The following APOLD1 variants were observed in gnomAD, a reference collection of about 807,000 sequenced individuals.
The protein encoded by APOLD1 is apolipoprotein L domain-containing protein 1.
APOLD1 carries 22 observed loss-of-function variants against 15.3 expected under a neutral mutation model. That is an observed-to-expected ratio of 1.44 (90% CI 1.03 to 2.05). The LOEUF (loss-of-function observed/expected upper bound fraction) is 2.05. APOLD1 is among the 30% of genes most tolerant of loss of function. APOLD1 has a pLI of 0.00. For synonymous variants in APOLD1, 190 were observed against 167.4 expected, an observed-to-expected ratio of 1.13 and a Z score of -1.04; for missense variants, 394 against 353.5, an observed-to-expected ratio of 1.11 and a Z score of -0.92.
chr12:12,733,066 C>A (rs1356077902), intron 1 of APOLD1, among the ~76,000 whole-genome samples: 1 of 151,480 alleles, frequency 6.6e-6, no homozygotes, highest in Non-Finnish European at 1.5e-5. Flanking sequence ...GTAATCCCAG[C>A]ACTTTGGGAG....
upstream of APOLD1, among the ~76,000 whole-genome samples, chr12:12,783,652 T>C (rs1947103019): frequency 3.3e-5 from 5 of 150,630 alleles, no homozygotes; most frequent in South Asian, 1.1e-3. Flanking sequence ...TTTGCTTTTT[T>C]TTTGAGACAA....
chr12:12,739,047 A>G (rs1405090298), intron 1 of APOLD1, among the ~76,000 whole-genome samples: 1 of 152,202 alleles, frequency 6.6e-6, no homozygotes, highest in East Asian at 1.9e-4. Context: ...CAAGGAACTG[A>G]CTGTAAAACT....
chr12:12,754,227 A>T (rs12822615), intron 1 of APOLD1, among the ~76,000 whole-genome samples: 6 of 135,722 alleles, frequency 4.4e-5, no homozygotes, highest in Non-Finnish European at 9.7e-5. Flanking sequence ...AAAGAAAAAA[A>T]GAAAAAAACA....
chr12:12,726,257 T>C, intron 1 of APOLD1: 1 of 736,434 alleles, frequency 1.4e-6, no homozygotes, highest in Non-Finnish European at 2.3e-6. Flanking sequence ...GTGTCATTTT[T>C]ATTGAATTAA....
rs543452918 is a variant in APOLD1 at position 12,786,983 on chromosome 12, C to T, written c.78C>T (p.Asp26=). 521 of 1,428,468 alleles carry T rather than the reference C, an allele frequency of 3.6e-4. 13 individuals are homozygous for T. The South Asian group carries it at 7.3e-3, about 20-fold the overall frequency. The allele number at this position is 1,428,468 out of a possible 1,614,324, so 88.5% of individuals were successfully genotyped here. A position where few individuals can be genotyped will look rare whatever the true frequency, so the allele number is the denominator to read the frequency against. Residue 26 remains aspartate, a synonymous_variant, in exon 2 of 2, where the codon GAC becomes GAT. Transcript: ENST00000356591. ...GGCGCTTCCAGGGACTGCTGCTGGA[C>T]CGCCGAGGCCGGCTGCACGGCCAGG... The part of the protein sequence containing the change: ...ALRRFQGLLL[D]RRGRLHGQVL...
chr12:12,767,259 A>G (rs1946949254), intron 1 of APOLD1, among the ~76,000 whole-genome samples: 2 of 152,166 alleles, frequency 1.3e-5, no homozygotes. Flanking sequence ...AAAATAAATA[A>G]GAGTTGGCCC....
In APOLD1 at chr12:12,750,845, G is replaced by C. The variant is rs573919716; in HGVS notation, c.96+24749G>C. The stretch of plus-strand genomic sequence containing the variant: ...GCTGGAGTGCAATGGCGTGATCACA[G>C]TTCACTGCAGCCTTGACCTCCTGGG... On this transcript the variant is annotated intron_variant, in intron 1 of 1. Transcript: ENST00000326765. Among the ~76,000 whole-genome samples the C allele has an allele frequency of 1.5e-3, 223 of 152,134 alleles. 1 individual carries two copies. Among genetic ancestry groups the C allele is most frequent in the Non-Finnish European group, 2.6e-3 (179 of 68,016 alleles).
At chr12:12,729,874 A>G (rs569299352) in intron 1 of APOLD1, among the ~76,000 whole-genome samples, 2 of 152,044 alleles carry the variant, frequency 1.3e-5, no homozygotes, top group African/African-American at 4.8e-5. Context: ...AACTACTGGG[A>G]CATTTTTTTT....
At chr12:12,729,750 A>C (rs1253391673) in intron 1 of APOLD1, among the ~76,000 whole-genome samples, 1 of 151,894 alleles carries the variant, frequency 6.6e-6, no homozygotes, top group Non-Finnish European at 1.5e-5. Flanking sequence ...CCAGCCTGGC[A>C]GCTCTAAAAA....
chr12:12,785,838 A>G, intron 1 of APOLD1, 144 bp downstream of exon 1: 2 of 799,744 alleles, frequency 2.5e-6, no homozygotes, highest in Non-Finnish European at 4.3e-6. Context: ...AGGATTCTAG[A>G]CTGGGCTCTG....
intron 1 of APOLD1, among the ~76,000 whole-genome samples, chr12:12,768,062 G>T (rs1224029222): frequency 6.6e-6 from 1 of 152,100 alleles, no homozygotes; most frequent in Non-Finnish European, 1.5e-5. Flanking sequence ...TGGGATTACA[G>T]GTGTAAGCCA....
chr12:12,782,214 G>A (rs534819100), upstream of APOLD1, among the ~76,000 whole-genome samples: 9 of 152,074 alleles, frequency 5.9e-5, no homozygotes, highest in South Asian at 8.3e-4. Flanking sequence ...AGCCGAGATC[G>A]CACCACTGCA....
chr12:12,786,864 C>A, intron 1 of APOLD1, 45 bp from the exon 2 acceptor site: 1 of 1,369,782 alleles, frequency 7.3e-7, no homozygotes, highest in South Asian at 1.7e-5. Context: ...GGAGCGGCGG[C>A]TGGCACGGAG....
intron 1 of APOLD1, among the ~76,000 whole-genome samples, chr12:12,748,458 A>G (rs1166152771): frequency 6.6e-6 from 1 of 152,232 alleles, no homozygotes; most frequent in African/African-American, 2.4e-5. Flanking sequence ...TTAGCATGAT[A>G]AAGTATCAAA....
At chr12:12,782,257 TCAAACAAA>T (rs59794394), upstream of APOLD1, among the ~76,000 whole-genome samples, 825 of 119,120 alleles carry the variant, frequency 6.9e-3, 6 homozygotes, top group African/African-American at 0.019. Context: ...AGACTCCGTC[TCAAACAAA>T]CAAACAAACA....
chr12:12,777,904 T>TA (rs1947048809), intron 1 of APOLD1, among the ~76,000 whole-genome samples: 1 of 28,132 alleles, frequency 3.6e-5, no homozygotes, highest in African/African-American at 9.0e-5. Flanking sequence ...TTTTTTTTTT[T>TA]TTTTTTTTTT....
intron 1 of APOLD1, among the ~76,000 whole-genome samples, chr12:12,768,681 G>C (rs943566869): frequency 6.6e-6 from 1 of 151,114 alleles, no homozygotes; most frequent in Non-Finnish European, 1.5e-5. Flanking sequence ...AAGCAATTGA[G>C]TCTCAATAAG....
intron 1 of APOLD1, among the ~76,000 whole-genome samples, chr12:12,761,814 C>T (rs7301169): frequency 0.1 from 6,947 of 66,588 alleles, 718 homozygotes; most frequent in African/African-American, 0.27. Context: ...TGAACATATA[C>T]ATATATGTAT....
chr12:12,754,176 A>AGCC (rs1565430792), intron 1 of APOLD1, among the ~76,000 whole-genome samples: 9 of 139,290 alleles, frequency 6.5e-5, no homozygotes, highest in African/African-American at 2.4e-4. Context: ...GCACTCCAGC[A>AGCC]TGGGCGACAG....
Sources: gnomAD v4.1 joint callset for allele counts (sites outside exome capture counted in the v4.1 genomes callset) on GRCh38, gnomAD v4.1.1 for gene constraint, MANE v1.5 for transcripts, NCBI Gene and HGNC (gene_info 2026-07-23, HGNC 2026-07-21) for gene names.